ANKRD55: variants seen among roughly 807,000 people sequenced by gnomAD.
ANKRD55 encodes ankyrin repeat domain-containing protein 55.
A neutral mutation model predicts 60.6 loss-of-function variants in ANKRD55; 41 were observed. That is an observed-to-expected ratio of 0.68 (90% confidence interval 0.53 to 0.88). ANKRD55 has a LOEUF of 0.88. ANKRD55 is among the 40% of genes least tolerant of loss of function. The probability of loss-of-function intolerance (pLI) is 0.00; values close to 1 mark genes in which losing one functional copy is unlikely to be tolerated. For synonymous variants in ANKRD55, 264 were observed against 290.3 expected (o/e 0.91, Z 0.92); for missense variants, 732 against 767.6 (o/e 0.95, Z 0.55).
rs160001 is a variant in ANKRD55, at chr5:56,226,186, A to T, written c.58+6670T>A. 1.0e-3 allele frequency among the ~76,000 whole-genome samples: 153 copies of T among 151,962 alleles called. 1 individual carries two copies. The highest frequency in any genetic ancestry group is 3.4e-3 in the African/African-American group (140 of 41,430). ...CCTCAGAAATAATACCACACATCTA[A>T]AACCATCTGATCTTTGAGAAATCTG... On this transcript the variant is annotated intron_variant, in intron 2 of 11. Coordinates refer to ENST00000341048, the MANE Select transcript of ANKRD55 (RefSeq NM_024669.3).
rs1175380297 is a variant in ANKRD55 at position 56,100,019 on chromosome 5, A to G, written c.*164T>C. Reference sequence around the variant, plus strand: ...ACCCAAATATTCTAAGTGCTTATTTAGGGAGTATCTTTATTTGGAATAAAG... The same window carrying G: ...ACCCAAATATTCTAAGTGCTTATTTGGGGAGTATCTTTATTTGGAATAAAG... On this transcript the variant is annotated 3_prime_UTR_variant, in exon 12 of 12. Coordinates refer to ENST00000341048, the MANE Select transcript of ANKRD55 (RefSeq NM_024669.3). 5 of 890,236 alleles carry G rather than the reference A, an allele frequency of 5.6e-6. No homozygotes were observed. Among genetic ancestry groups the G allele is most frequent in the African/African-American group, 1.7e-5 (1 of 59,904 alleles). The allele number at this position is 890,236 out of a possible 1,614,324, so 55.1% of individuals were successfully genotyped here.
At chr5:56,182,107 C>T (rs2111830332) in intron 3 of ANKRD55, among the ~76,000 whole-genome samples, 1 of 152,080 alleles carries the variant, frequency 6.6e-6, no homozygotes, top group South Asian at 2.1e-4. Flanking sequence ...GCTGGTTATT[C>T]TTTAAAAGTT....
At chr5:56,168,525 G>C (rs770795827) in intron 5 of ANKRD55, among the ~76,000 whole-genome samples, 23 of 152,210 alleles carry the variant, frequency 1.5e-4, no homozygotes, top group Admixed American at 3.9e-4. Flanking sequence ...TGTTATAATT[G>C]TTCTATTTTA....
At chr5:56,116,867 G>T in intron 8 of ANKRD55, 85 bp from the exon 9 acceptor site, 3 of 1,384,464 alleles carry the variant, frequency 2.2e-6, no homozygotes, top group Non-Finnish European at 1.9e-6. Context: ...CCTGCTCAAA[G>T]TCAGGTTGAG....
At position 56,133,545 on chromosome 5, in the gene ANKRD55, C is replaced by T. The variant is rs1757482904; in HGVS notation, c.613-6439G>A. ...TAACAAGCTCACATGGGACCTTCAC[C>T]GAGATAGACTACAGTCTGGGCCATA... is the stretch of plus-strand genomic sequence containing the variant. On this transcript the variant is annotated intron_variant, in intron 7 of 11. Transcript: ENST00000341048. 1.8e-5 allele frequency among the ~76,000 whole-genome samples: 2 copies of T among 109,308 alleles called. 1 individual carries two copies. Among genetic ancestry groups the T allele is most frequent in the South Asian group, 6.2e-4 (2 of 3,212 alleles). 71.7% of individuals were successfully genotyped at this position (109,308 alleles called of 152,430 possible).
At chr5:56,102,631 G>T in intron 10 of ANKRD55, 45 bp from the exon 11 acceptor site, 2 of 1,401,660 alleles carry the variant, frequency 1.4e-6, no homozygotes, top group Non-Finnish European at 2.0e-6. Flanking sequence ...ACTCAACCAA[G>T]TGCAAATTAC....
chr5:56,225,986 A>T (rs1324239686), intron 2 of ANKRD55, among the ~76,000 whole-genome samples: 1 of 152,202 alleles, frequency 6.6e-6, no homozygotes, highest in Non-Finnish European at 1.5e-5. Context: ...AACTACTTTA[A>T]AGTTCATATG....
At chr5:56,225,418 T>C (rs1760085205) in intron 2 of ANKRD55, among the ~76,000 whole-genome samples, 1 of 152,140 alleles carries the variant, frequency 6.6e-6, no homozygotes, top group Non-Finnish European at 1.5e-5. Context: ...CTTTGAAAAC[T>C]GTTACAAGAC....
intron 2 of ANKRD55, among the ~76,000 whole-genome samples, chr5:56,229,134 G>A (rs1202236902): frequency 6.7e-6 from 1 of 149,668 alleles, no homozygotes; most frequent in African/African-American, 2.5e-5. Context: ...CTCAGGTTTG[G>A]GATTCTTTCA....
intron 8 of ANKRD55, among the ~76,000 whole-genome samples, chr5:56,120,528 G>A (rs1561255815): frequency 6.6e-6 from 1 of 152,206 alleles, no homozygotes; most frequent in East Asian, 1.9e-4. Context: ...CAACTTCAGA[G>A]CAAAGGGAAA....
At chr5:56,156,131 T>C (rs1264162272) in intron 6 of ANKRD55, among the ~76,000 whole-genome samples, 1 of 152,104 alleles carries the variant, frequency 6.6e-6, no homozygotes, top group Non-Finnish European at 1.5e-5. Context: ...TCCATGTGTA[T>C]GAAAAACACA....
chr5:56,117,013 C>T (rs16884834), intron 8 of ANKRD55: 17,772 of 404,470 alleles, frequency 0.044, 1,454 homozygotes, highest in African/African-American at 0.22. Context: ...TCTGGCCTTT[C>T]TAACAATTTC....
At chr5:56,176,084 T>G (rs1321061149) in intron 4 of ANKRD55, 68 bp downstream of exon 4, 2 of 1,592,400 alleles carry the variant, frequency 1.3e-6, no homozygotes, top group Non-Finnish European at 1.7e-6. Context: ...CCTTTGCAAC[T>G]GGGACCCCAT....
chr5:56,169,584 A>T (rs1758560401), intron 5 of ANKRD55, among the ~76,000 whole-genome samples: 2 of 152,182 alleles, frequency 1.3e-5, no homozygotes, highest in African/African-American at 4.8e-5. Context: ...GACATAGTCC[A>T]ATATAATAAG....
intron 7 of ANKRD55, among the ~76,000 whole-genome samples, chr5:56,128,358 C>T (rs959122375): frequency 6.6e-6 from 1 of 152,150 alleles, no homozygotes; most frequent in Non-Finnish European, 1.5e-5. Context: ...TCGCCTCCCT[C>T]GCCCCTGGGG....
chr5:56,143,637 T>C, intron 7 of ANKRD55, 164 bp downstream of exon 7: 1 of 932,324 alleles, frequency 1.1e-6, no homozygotes, highest in East Asian at 2.5e-5. Flanking sequence ...CTTGATATTT[T>C]ATAACTACTC....
At chr5:56,127,265 A>T (rs1450858096) in intron 7 of ANKRD55, 159 bp from the exon 8 acceptor site, 4 of 982,438 alleles carry the variant, frequency 4.1e-6, no homozygotes, top group Non-Finnish European at 4.8e-6. Context: ...ATAAAAATAC[A>T]CTCTATCTAA....
chr5:56,146,100 G>A (rs549137835), intron 6 of ANKRD55, among the ~76,000 whole-genome samples: 8 of 152,264 alleles, frequency 5.3e-5, no homozygotes, highest in African/African-American at 1.7e-4. Flanking sequence ...CAAATGAAGT[G>A]ATGAAATGAA....
chr5:56,207,950 T>C (rs1253830754), intron 2 of ANKRD55, among the ~76,000 whole-genome samples: 5 of 152,252 alleles, frequency 3.3e-5, no homozygotes, highest in Non-Finnish European at 4.4e-5. Context: ...TTTTTGGCTC[T>C]ATTGTAATAA....
Sources: allele counts gnomAD v4.1 joint callset (sites outside exome capture counted in the v4.1 genomes callset), GRCh38; gene constraint gnomAD v4.1.1; transcripts MANE v1.5; gene names NCBI Gene and HGNC (gene_info 2026-07-23, HGNC 2026-07-21).